The following PRKN variants were observed in gnomAD, a reference collection of about 807,000 sequenced individuals.
The protein encoded by PRKN is parkin RBR E3 ubiquitin protein ligase, also known as E3 ubiquitin-protein ligase parkin.
Under a neutral mutation model 59.5 loss-of-function variants are expected in PRKN, and 56 were observed. The observed-to-expected ratio is 0.94, with a 90% CI of 0.76 to 1.18. The LOEUF is 1.18. PRKN is among the 50% of genes most tolerant of loss of function. The pLI, the probability that PRKN is intolerant of heterozygous loss-of-function variation, is 0.00. For synonymous variants in PRKN, 250 were observed against 222.1 expected, an observed-to-expected ratio of 1.13 and a Z score of -1.12; for missense variants, 657 against 596.4, an observed-to-expected ratio of 1.10 and a Z score of -1.06.
intron 1 of PRKN, among the ~76,000 whole-genome samples, chr6:162,636,787 C>T (rs1777729671): frequency 6.6e-6 from 1 of 151,574 alleles, no homozygotes; most frequent in Non-Finnish European, 1.5e-5. Context: ...GAGTTCAAGA[C>T]CAGCTTGGGC....
chr6:162,704,506 T>C (rs943771416), intron 1 of PRKN, among the ~76,000 whole-genome samples: 20 of 152,228 alleles, frequency 1.3e-4, no homozygotes, highest in African/African-American at 4.8e-4. Flanking sequence ...GTACTTAAAC[T>C]ATGTGTCAAA....
intron 9 of PRKN, among the ~76,000 whole-genome samples, chr6:161,415,403 A>G (rs908752240): frequency 6.6e-6 from 1 of 152,036 alleles, no homozygotes; most frequent in Non-Finnish European, 1.5e-5. Flanking sequence ...CAATAACGAC[A>G]CTACCTACAT....
chr6:162,482,557 T>C (rs1792355364), intron 1 of PRKN, among the ~76,000 whole-genome samples: 1 of 152,150 alleles, frequency 6.6e-6, no homozygotes, highest in African/African-American at 2.4e-5. Context: ...GCAACAGAAA[T>C]ATTCACAATA....
At chr6:161,366,349 G>C (rs1056725908) in intron 10 of PRKN, among the ~76,000 whole-genome samples, 1 of 152,130 alleles carries the variant, frequency 6.6e-6, no homozygotes, top group Non-Finnish European at 1.5e-5. Context: ...CTGCTGAGGG[G>C]CCGAGGCACA....
intron 7 of PRKN, among the ~76,000 whole-genome samples, chr6:161,782,375 T>C (rs748944857): frequency 6.6e-6 from 1 of 152,200 alleles, no homozygotes; most frequent in Non-Finnish European, 1.5e-5. Flanking sequence ...TTTGATATCA[T>C]CTATAGTATG....
Position 161,393,610 on chromosome 6 carries a change from C to G in PRKN, c.1084-6733G>C, listed in dbSNP as rs115911036. On this transcript the variant is annotated intron_variant, in intron 9 of 11. Coordinates refer to ENST00000366898, the MANE Select transcript of PRKN (RefSeq NM_004562.3). This position sits in a 1 kb window ranked among gnomAD's most constrained non-coding sequence, Gnocchi z 4.7. ...AAAAGGGGCTGTATGTGTACTTTCT[C>G]TGTGGAAGCATGAAAAGGAAGCAAA... is the stretch of plus-strand genomic sequence containing the variant. Among the ~76,000 whole-genome samples the G allele has an allele frequency of 3.5e-3, 527 of 152,142 alleles. 5 individuals are homozygous for G. The highest frequency in any genetic ancestry group is 0.012 in the African/African-American group (497 of 41,480).
chr6:161,695,900 T>C (rs921006542), intron 7 of PRKN, among the ~76,000 whole-genome samples: 4 of 152,188 alleles, frequency 2.6e-5, no homozygotes, highest in African/African-American at 7.2e-5. Flanking sequence ...TTTAAGCAAA[T>C]AGACGATGAG....
intron 4 of PRKN, among the ~76,000 whole-genome samples, chr6:162,199,087 T>C (rs1182559699): frequency 6.6e-6 from 1 of 152,164 alleles, no homozygotes; most frequent in Non-Finnish European, 1.5e-5. Flanking sequence ...TCAACATGAA[T>C]TCCACCTCAC....
intron 4 of PRKN, among the ~76,000 whole-genome samples, chr6:162,151,511 T>A (rs972949162): frequency 6.6e-6 from 1 of 152,236 alleles, no homozygotes; most frequent in Non-Finnish European, 1.5e-5. Context: ...TTTCCTCTTC[T>A]TATCTAGCCT....
intron 7 of PRKN, among the ~76,000 whole-genome samples, chr6:161,729,210 C>T (rs1407376802): frequency 6.6e-6 from 1 of 152,188 alleles, no homozygotes; most frequent in African/African-American, 2.4e-5. Context: ...TTCACATTGA[C>T]TATTATACTC....
chr6:162,554,026 C>T (rs1304588192), intron 1 of PRKN, among the ~76,000 whole-genome samples: 3 of 152,086 alleles, frequency 2.0e-5, no homozygotes, highest in African/African-American at 7.2e-5. Flanking sequence ...GCAGCTGTCG[C>T]TGGAGACGCG....
chr6:161,897,966 C>CTAAAAAAAA (rs1777714097), intron 6 of PRKN, among the ~76,000 whole-genome samples: 1 of 38,298 alleles, frequency 2.6e-5, no homozygotes, highest in Non-Finnish European at 4.6e-5. Flanking sequence ...GACTCCGTCT[C>CTAAAAAAAA]AAAAAAAAAA....
At chr6:161,632,159 G>T (rs117000548) in intron 7 of PRKN, among the ~76,000 whole-genome samples, 2,622 of 152,312 alleles carry the variant, frequency 0.017, 37 homozygotes, top group Non-Finnish European at 0.029. Flanking sequence ...ACATGGCAGA[G>T]AGGTCTTATT....
At chr6:162,493,243 A>C (rs1486504983) in intron 1 of PRKN, among the ~76,000 whole-genome samples, 1 of 152,120 alleles carries the variant, frequency 6.6e-6, no homozygotes, top group Non-Finnish European at 1.5e-5. Context: ...GAAAAGGGAG[A>C]ACTGCGAAGA....
intron 7 of PRKN, among the ~76,000 whole-genome samples, chr6:161,703,833 CTCTCTCTTTTTTTTTTTTTTTTTTTT>C (rs1234675196): frequency 1.6e-5 from 2 of 127,582 alleles, no homozygotes; most frequent in African/African-American, 6.6e-5. Flanking sequence ...CTCTCTCTCT[CTCTCTCTTTTTTTTTTTTTTTTTTTT>C]TTTTTTTTTT....
intron 5 of PRKN, among the ~76,000 whole-genome samples, chr6:162,002,055 T>C (rs1782079983): frequency 6.6e-6 from 1 of 151,932 alleles, no homozygotes; most frequent in Non-Finnish European, 1.5e-5. Context: ...ATACATTGAT[T>C]TGCTCATATT....
chr6:161,834,189 C>G (rs1792640240), intron 6 of PRKN, among the ~76,000 whole-genome samples: 1 of 151,952 alleles, frequency 6.6e-6, no homozygotes. Flanking sequence ...ATGCACTGAT[C>G]TAGGAGCCGA....
chr6:162,076,934 C>T (rs886580718), intron 4 of PRKN, among the ~76,000 whole-genome samples: 10 of 152,078 alleles, frequency 6.6e-5, no homozygotes, highest in African/African-American at 2.4e-4. Context: ...CCCCCACATG[C>T]CTGTCATTGC....
intron 7 of PRKN, among the ~76,000 whole-genome samples, chr6:161,764,753 C>A (rs550835017): frequency 2.0e-5 from 3 of 152,156 alleles, no homozygotes; most frequent in African/African-American, 4.8e-5. Flanking sequence ...TGTATTAAAA[C>A]AATAGCTAAA....
Sources: gnomAD v4.1 joint callset for allele counts (sites outside exome capture counted in the v4.1 genomes callset) on GRCh38, gnomAD v4.1.1 for gene constraint, Gnocchi (gnomAD v3.1) non-coding constraint, MANE v1.5 for transcripts, NCBI Gene and HGNC (gene_info 2026-07-23, HGNC 2026-07-21) for gene names.